The following SHISA9 variants were observed in gnomAD, a reference collection of about 807,000 sequenced individuals.
The protein encoded by SHISA9 is shisa family member 9.
Under a neutral mutation model 38.0 loss-of-function variants are expected in SHISA9, and 13 were observed. The observed-to-expected ratio is 0.34, with a 90% CI of 0.22 to 0.54. SHISA9 has a LOEUF of 0.54. SHISA9 is among the 20% of genes least tolerant of loss of function. SHISA9 has a pLI of 0.91. For missense variants in SHISA9, 538 were observed against 575.8 expected, an observed-to-expected ratio of 0.93 and a Z score of 0.67; for synonymous variants, 275 against 242.0, an observed-to-expected ratio of 1.14 and a Z score of -1.27.
At chr16:13,350,983 T>G in the SHISA9 span, among the ~76,000 whole-genome samples, 10 of 152,132 alleles carry the variant, frequency 6.6e-5, no homozygotes, top group Non-Finnish European at 1.3e-4. Flanking sequence ...AGCTTGCAGG[T>G]TTTCCCGAAC....
the SHISA9 span, among the ~76,000 whole-genome samples, chr16:13,494,427 T>TCTC: frequency 6.6e-6 from 1 of 151,926 alleles, no homozygotes; most frequent in Non-Finnish European, 1.5e-5. Context: ...GCCTAAATGT[T>TCTC]TTATCTTTAA....
intron 2 of SHISA9, among the ~76,000 whole-genome samples, chr16:13,121,243 C>G (rs1322143196): frequency 1.3e-5 from 2 of 152,158 alleles, no homozygotes; most frequent in African/African-American, 4.8e-5. Flanking sequence ...AATCACAGCA[C>G]TTTGGGAGGC....
intron 2 of SHISA9, among the ~76,000 whole-genome samples, chr16:13,083,400 A>G (rs563840216): frequency 1.3e-5 from 2 of 152,326 alleles, no homozygotes; most frequent in South Asian, 2.1e-4. Context: ...TTCACTTTGC[A>G]TCTTAGGTTG....
At chr16:12,916,865 A>C (rs1457067446) in intron 2 of SHISA9, 50 bp downstream of exon 2, 5 of 1,530,454 alleles carry the variant, frequency 3.3e-6, no homozygotes, top group South Asian at 2.5e-5. Flanking sequence ...TGACCTGAGC[A>C]GTGGTCACAT....
the SHISA9 span, among the ~76,000 whole-genome samples, chr16:13,426,246 A>G: frequency 6.6e-6 from 1 of 152,202 alleles, no homozygotes. Flanking sequence ...GTGTTATCTC[A>G]TTTAATTCTC....
the SHISA9 span, among the ~76,000 whole-genome samples, chr16:13,441,216 AAAC>A: frequency 1.3e-5 from 2 of 152,206 alleles, no homozygotes; most frequent in Non-Finnish European, 2.9e-5. Flanking sequence ...AAGGAAACGT[AAAC>A]AACAATATGG....
At chr16:13,173,147 A>ACATG (rs1555467924) in intron 2 of SHISA9, among the ~76,000 whole-genome samples, 2 of 76,838 alleles carry the variant, frequency 2.6e-5, no homozygotes, top group Non-Finnish European at 4.7e-5. Context: ...GAAGAGATGC[A>ACATG]CGTGCGCACA....
At chr16:13,556,517 G>T in the SHISA9 span, among the ~76,000 whole-genome samples, 1 of 152,052 alleles carries the variant, frequency 6.6e-6, no homozygotes, top group South Asian at 2.1e-4. Flanking sequence ...CAAAAAATTA[G>T]CCGGGCAAGG....
intron 2 of SHISA9, among the ~76,000 whole-genome samples, chr16:12,922,923 C>G (rs7204187): frequency 0.27 from 40,841 of 152,040 alleles, 5,999 homozygotes; most frequent in Middle Eastern, 0.34. Flanking sequence ...AAAATGCTTT[C>G]TATTGTCACA....
rs541612806 is a variant in SHISA9, at chr16:13,217,762, G to A, written c.895+4462G>A. Among the ~76,000 whole-genome samples the A allele has an allele frequency of 4.6e-5, 7 of 152,304 alleles. No homozygotes were observed. The South Asian group carries it at 6.2e-4, about 14-fold the overall frequency. On this transcript the variant is annotated intron_variant, in intron 4 of 4. Transcript: ENST00000558583. ...ACACTTCACTAGGCCGGGCGTGGTG[G>A]CTCATGCCTGTAATCCCAGCACTTT...
the SHISA9 span, among the ~76,000 whole-genome samples, chr16:13,461,048 A>AT: frequency 1.3e-5 from 2 of 152,236 alleles, no homozygotes; most frequent in African/African-American, 4.8e-5. Flanking sequence ...AATAGACAAC[A>AT]TATCAACGAG....
chr16:13,412,958 C>CAAATAAAT, the SHISA9 span, among the ~76,000 whole-genome samples: 30 of 151,522 alleles, frequency 2.0e-4, no homozygotes, highest in African/African-American at 7.3e-4. Context: ...AATGCATACA[C>CAAATAAAT]AAATAAATAA....
At chr16:13,380,071 C>T in the SHISA9 span, among the ~76,000 whole-genome samples, 9 of 150,850 alleles carry the variant, frequency 6.0e-5, no homozygotes, top group African/African-American at 1.7e-4. Flanking sequence ...GAAGTAGAAC[C>T]GAAAGACGAA....
At chr16:13,301,783 G>T in the SHISA9 span, among the ~76,000 whole-genome samples, 1 of 152,268 alleles carries the variant, frequency 6.6e-6, no homozygotes, top group East Asian at 1.9e-4. Context: ...CAAGGAGCAT[G>T]GGCTTTGGAA....
At chr16:13,528,815 G>C in the SHISA9 span, among the ~76,000 whole-genome samples, 1 of 152,200 alleles carries the variant, frequency 6.6e-6, no homozygotes, top group African/African-American at 2.4e-5. Context: ...CTTAGCATAT[G>C]CTCAATAAAA....
chr16:13,520,955 A>G, the SHISA9 span, among the ~76,000 whole-genome samples: 1 of 152,164 alleles, frequency 6.6e-6, no homozygotes, highest in African/African-American at 2.4e-5. Flanking sequence ...TAGCACATTC[A>G]TTACCTTAAA....
chr16:13,252,867 C>A, the SHISA9 span, among the ~76,000 whole-genome samples: 2 of 152,138 alleles, frequency 1.3e-5, no homozygotes, highest in African/African-American at 4.8e-5. Context: ...AAAGGAAATA[C>A]AGTTGACCCT....
chr16:12,934,517 G>A (rs901023127), intron 2 of SHISA9, among the ~76,000 whole-genome samples: 3 of 152,158 alleles, frequency 2.0e-5, no homozygotes, highest in Admixed American at 2.0e-4. Context: ...TTGATATATA[G>A]GGGAAATAAT....
the SHISA9 span, among the ~76,000 whole-genome samples, chr16:13,477,504 A>T: frequency 6.6e-6 from 1 of 152,198 alleles, no homozygotes; most frequent in Non-Finnish European, 1.5e-5. Context: ...TAAAGTGAAA[A>T]AGGTGGTGGG....
Sources: gnomAD v4.1 joint callset for allele counts (sites outside exome capture counted in the v4.1 genomes callset) on GRCh38, gnomAD v4.1.1 for gene constraint, MANE v1.5 for transcripts, NCBI Gene and HGNC (gene_info 2026-07-23, HGNC 2026-07-21) for gene names.